The following SUPT3H variants were observed in gnomAD, a reference collection of about 807,000 sequenced individuals.
SUPT3H encodes the protein SPT3 homolog, SAGA and STAGA complex component, also known as transcription initiation protein SPT3 homolog.
SUPT3H carries 44 observed loss-of-function variants against 44.3 expected under a neutral mutation model. That is an observed-to-expected ratio of 0.99 (90% CI 0.78 to 1.28). The LOEUF (loss-of-function observed/expected upper bound fraction) is 1.28. Ranked by LOEUF, SUPT3H falls within the 50% of genes most tolerant of loss-of-function variation. The pLI, the probability that SUPT3H is intolerant of heterozygous loss-of-function variation, is 0.00. For synonymous variants in SUPT3H, 124 were observed against 125.6 expected (o/e 0.99, Z 0.09); for missense variants, 380 against 387.1 (o/e 0.98, Z 0.15).
At chr6:44,956,699 C>A (rs1298711469) in intron 7 of SUPT3H, among the ~76,000 whole-genome samples, 2 of 152,070 alleles carry the variant, frequency 1.3e-5, no homozygotes, top group Non-Finnish European at 2.9e-5. Context: ...TAAACCATCA[C>A]CTGGCCTTGA....
At chr6:44,811,932 A>G (rs745502886) in intron 11 of SUPT3H, among the ~76,000 whole-genome samples, 1 of 150,626 alleles carries the variant, frequency 6.6e-6, no homozygotes, top group South Asian at 2.1e-4. Context: ...TCACAACTGT[A>G]TAAGGTCTGA....
chr6:44,907,110 A>C (rs1038291115), intron 10 of SUPT3H, among the ~76,000 whole-genome samples: 7 of 152,230 alleles, frequency 4.6e-5, no homozygotes, highest in Non-Finnish European at 8.8e-5. Context: ...GTTATTTTAA[A>C]GAAATATGAA....
rs1051950355 is a variant in SUPT3H, at chr6:44,829,974, T to A, written c.913-117A>T. ...GTAGACTCTGCTGGCTACAATCTAA[T>A]AGAATGCTTAATCTGAATATTTCTG... On this transcript the variant is annotated intron_variant, in intron 10 of 10. Transcript: ENST00000371459. 1.7e-5 allele frequency: 15 copies of A among 875,362 alleles called. No individual in the cohort carries two copies. In the African/African-American group the frequency reaches 2.3e-4, roughly 14 times the overall value. 54.2% of individuals were successfully genotyped at this position (875,362 alleles called of 1,614,324 possible). A position where few individuals can be genotyped will look rare whatever the true frequency, so the allele number is the denominator to read the frequency against.
Position 45,280,924 on chromosome 6 carries a change from T to G in SUPT3H, c.101+84277A>C, listed in dbSNP as rs1275359372. Among the ~76,000 whole-genome samples the G allele has an allele frequency of 2.0e-5, 3 of 152,150 alleles. No homozygotes were observed. In the East Asian group the frequency reaches 5.8e-4, roughly 29 times the overall value. ...GAGTAATTGCCATTAACATCTGTAA[T>G]GTCCATAAAAAACATACAATTAAAA... On this transcript the variant is annotated intron_variant, in intron 2 of 10. Coordinates refer to ENST00000371459, the MANE Select transcript of SUPT3H (RefSeq NM_003599.4).
In SUPT3H at chr6:45,045,712, T is replaced by C. The variant is rs563777674; in HGVS notation, c.187-25080A>G. ...TGTGCTTACTGGTCATTCACATATATTCTTTTATAAAGTGTCTATACAAGT... is the reference window on the plus strand; with the variant it reads ...TGTGCTTACTGGTCATTCACATATACTCTTTTATAAAGTGTCTATACAAGT... On this transcript the variant is annotated intron_variant, in intron 3 of 10. Coordinates refer to ENST00000371459, the MANE Select transcript of SUPT3H (RefSeq NM_003599.4). Among the ~76,000 whole-genome samples the C allele has an allele frequency of 4.6e-5, 7 of 152,346 alleles. No homozygotes were observed. The East Asian group carries it at 1.3e-3, about 29-fold the overall frequency.
chr6:45,085,666 T>G (rs1796387301), intron 3 of SUPT3H, among the ~76,000 whole-genome samples: 1 of 152,156 alleles, frequency 6.6e-6, no homozygotes, highest in South Asian at 2.1e-4. Context: ...CCTTTCTACT[T>G]ATCTCTTGCT....
chr6:45,007,209 C>G lies in SUPT3H; in HGVS notation c.365-3417G>C, dbSNP rs775185633. Among the ~76,000 whole-genome samples the G allele has an allele frequency of 8.5e-5, 13 of 152,128 alleles. No individual in the cohort carries two copies. In the Middle Eastern group the frequency reaches 0.017, roughly 199 times the overall value. On this transcript the variant is annotated intron_variant, in intron 5 of 10. Transcript: ENST00000371459. ...ATTCCTTTTTTGGAGGTAGAGGAGG[C>G]TGAGCTTTTGTAAGATTTTCTCATT...
At chr6:44,913,692 T>A (rs937700352) in intron 10 of SUPT3H, among the ~76,000 whole-genome samples, 1 of 152,178 alleles carries the variant, frequency 6.6e-6, no homozygotes, top group Non-Finnish European at 1.5e-5. Flanking sequence ...AGCACTTTTA[T>A]CAGAAAAATT....
intron 7 of SUPT3H, 152 bp from the exon 8 acceptor site, chr6:44,954,759 C>G (rs1774863532): frequency 3.3e-6 from 2 of 612,460 alleles, no homozygotes; most frequent in Non-Finnish European, 5.7e-6. Context: ...GATATTCTGG[C>G]CCCAAGAAAT....
intron 2 of SUPT3H, among the ~76,000 whole-genome samples, chr6:45,244,726 A>T (rs1241299618): frequency 6.6e-6 from 1 of 152,086 alleles, no homozygotes; most frequent in Non-Finnish European, 1.5e-5. Flanking sequence ...TCTCTTCCAC[A>T]CCCAACATTC....
intron 10 of SUPT3H, among the ~76,000 whole-genome samples, chr6:44,918,619 ACAGTT>A (rs1768171384): frequency 6.6e-6 from 1 of 152,230 alleles, no homozygotes; most frequent in Admixed American, 6.5e-5. Context: ...GATTTAGAGG[ACAGTT>A]CAGTGGCACC....
rs372231892 is a variant in SUPT3H at position 44,927,430 on chromosome 6, A to C, written c.912+5223T>G. On this transcript the variant is annotated intron_variant, in intron 10 of 10. Coordinates refer to ENST00000371459, the MANE Select transcript of SUPT3H (RefSeq NM_003599.4). The stretch of plus-strand genomic sequence containing the variant: ...TTTAAAAGTTGAGAAAAATAAGCCC[A>C]GTAATTAAAAAATGTATCAACTTTG... Among the ~76,000 whole-genome samples the C allele has an allele frequency of 4.3e-4, 66 of 152,322 alleles. No homozygotes were observed. The East Asian group carries it at 0.012, about 27-fold the overall frequency.
intron 10 of SUPT3H, among the ~76,000 whole-genome samples, chr6:44,876,812 C>A (rs1263193321): frequency 5.5e-5 from 2 of 36,344 alleles, no homozygotes; most frequent in African/African-American, 1.9e-4. Flanking sequence ...TAAAAGCCTA[C>A]AATAAAAATA....
intron 1 of SUPT3H, among the ~76,000 whole-genome samples, chr6:45,368,311 G>A (rs1029271525): frequency 1.3e-5 from 2 of 152,096 alleles, no homozygotes; most frequent in African/African-American, 4.8e-5. Context: ...TGATCATTAA[G>A]CTAATAGCTA....
intron 2 of SUPT3H, among the ~76,000 whole-genome samples, chr6:45,194,515 G>A (rs539391046): frequency 3.3e-5 from 5 of 152,216 alleles, no homozygotes; most frequent in South Asian, 4.1e-4. Context: ...AAAAAGAGCA[G>A]AGTAAAATTA....
At chr6:45,315,971 AGAT>A (rs398065759) in intron 2 of SUPT3H, among the ~76,000 whole-genome samples, 7 of 146,162 alleles carry the variant, frequency 4.8e-5, no homozygotes, top group Middle Eastern at 3.5e-3. Context: ...ATAGATAGAT[AGAT>A]GATGGAATAC....
intron 5 of SUPT3H, among the ~76,000 whole-genome samples, chr6:45,007,650 C>A (rs1214311331): frequency 1.3e-5 from 2 of 151,942 alleles, no homozygotes; most frequent in African/African-American, 4.8e-5. Flanking sequence ...CATCTAATCC[C>A]AACTATTTTG....
intron 6 of SUPT3H, among the ~76,000 whole-genome samples, chr6:44,980,371 G>C (rs72867403): frequency 6.6e-6 from 1 of 151,928 alleles, no homozygotes; most frequent in Non-Finnish European, 1.5e-5. Context: ...CCTCATCAAT[G>C]TTATAACAAA....
intron 2 of SUPT3H, among the ~76,000 whole-genome samples, chr6:45,177,691 G>A (rs1282898585): frequency 4.0e-5 from 6 of 151,638 alleles, no homozygotes; most frequent in Non-Finnish European, 8.8e-5. Context: ...TAGCCTCAAA[G>A]GGAAGCCCAT....
Sources: gnomAD v4.1 joint callset for allele counts (sites outside exome capture counted in the v4.1 genomes callset) on GRCh38, gnomAD v4.1.1 for gene constraint, MANE v1.5 for transcripts, NCBI Gene and HGNC (gene_info 2026-07-23, HGNC 2026-07-21) for gene names.